MYOF: variants seen among roughly 807,000 people sequenced by gnomAD.
MYOF encodes the protein fer-1-like 3, myoferlin.
MYOF carries 244 observed loss-of-function variants against 284.2 expected under a neutral mutation model. The ratio of observed to expected loss-of-function variants is 0.86; its 90% CI spans 0.77 to 0.95. The LOEUF (loss-of-function observed/expected upper bound fraction) is 0.95, where lower values mean the gene tolerates loss of function less well. Among genes scored for constraint, MYOF ranks in the 40% least tolerant of loss-of-function variants. The probability of loss-of-function intolerance (pLI) is 0.00; values close to 1 mark genes in which losing one functional copy is unlikely to be tolerated. For synonymous variants in MYOF, 904 were observed against 919.7 expected, an observed-to-expected ratio of 0.98 and a Z score of 0.31; for missense variants, 2,496 against 2,560.6, an observed-to-expected ratio of 0.97 and a Z score of 0.54.
chr10:93,369,125 T>TTTTTTA, intron 25 of MYOF, among the ~76,000 whole-genome samples: 2 of 145,806 alleles, frequency 1.4e-5, no homozygotes, highest in South Asian at 4.5e-4. Flanking sequence ...TTTTTTTTTT[T>TTTTTTA]TTTTTTTGCC....
chr10:93,369,681 G>A lies in MYOF; in HGVS notation c.2553C>T (p.Ser851=), dbSNP rs762516565. ...AGACGGTGAAAGTTCCTTCTGCGAA[G>A]CTGTTAAACTTCTTCTCCACAGCAC... ...GLSAVEKKFN[S]FAEGTFTVFA... is the part of the protein sequence containing the mutation. The change falls in exon 25 of 54, where the codon AGC becomes AGT. Residue 851 remains serine (S), a synonymous_variant. Transcript: ENST00000359263. 1 of 1,614,200 alleles carries A rather than the reference G, an allele frequency of 6.2e-7. No homozygotes were observed. The highest frequency in any genetic ancestry group is 8.5e-7 in the Non-Finnish European group (1 of 1,180,022).
intron 5 of MYOF, among the ~76,000 whole-genome samples, chr10:93,414,683 T>C (rs1454433636): frequency 6.6e-6 from 1 of 152,228 alleles, no homozygotes. Flanking sequence ...AGGGCCACTA[T>C]TCAGTCCACT....
chr10:93,422,449 G>C (rs1258172415), intron 5 of MYOF, among the ~76,000 whole-genome samples: 6 of 152,204 alleles, frequency 3.9e-5, no homozygotes, highest in Non-Finnish European at 5.9e-5. Flanking sequence ...AAACCAAGAG[G>C]AAAGGAGAAG....
At chr10:93,463,816 G>A (rs546382799) in intron 1 of MYOF, among the ~76,000 whole-genome samples, 1 of 146,464 alleles carries the variant, frequency 6.8e-6, no homozygotes, top group African/African-American at 2.5e-5. Flanking sequence ...AGGCTGCAGT[G>A]GCCACACCCC....
At position 93,397,381 on chromosome 10, in the gene MYOF, G is replaced by A; in HGVS notation, c.1290+7C>T. On this transcript the variant is annotated splice_region_variant and intron_variant, in intron 14 of 53. Coordinates refer to ENST00000359263, the MANE Select transcript of MYOF (RefSeq NM_013451.4). The stretch of plus-strand genomic sequence containing the variant: ...CTTACTTTTTCAGAAAGAAAATAAA[G>A]TCAAACCTTGATCTGAAGATTGACG... 1 of 1,609,264 alleles carries A rather than the reference G, an allele frequency of 6.2e-7. No homozygotes were observed.
At chr10:93,369,258 G>GGTGTGTGTATGTGTGCGT (rs1554847567) in intron 25 of MYOF, among the ~76,000 whole-genome samples, 13 of 113,332 alleles carry the variant, frequency 1.1e-4, no homozygotes, top group African/African-American at 4.1e-4. Flanking sequence ...CTCCTGGGTT[G>GGTGTGTGTATGTGTGCGT]GTGTGTGTGT....
intron 26 of MYOF, among the ~76,000 whole-genome samples, chr10:93,364,460 T>G (rs2133939814): frequency 6.6e-6 from 1 of 152,272 alleles, no homozygotes; most frequent in South Asian, 2.1e-4. Context: ...TGGCTAACAG[T>G]TCAAAAGAAA....
intron 3 of MYOF, among the ~76,000 whole-genome samples, chr10:93,444,162 T>C (rs888678992): frequency 3.9e-5 from 6 of 152,220 alleles, no homozygotes; most frequent in African/African-American, 1.4e-4. Flanking sequence ...GGTGGCCCAT[T>C]ACCAGTGAGC....
Position 93,402,322 on chromosome 10 carries a change from A to G in MYOF, c.900T>C (p.Leu300=), listed in dbSNP as rs1158908577. The G allele has an allele frequency of 6.2e-7, 1 of 1,614,084 alleles. No homozygotes were observed. Among genetic ancestry groups the G allele is most frequent in the Non-Finnish European group, 8.5e-7 (1 of 1,179,980 alleles). ...TGGTATCTTCCGGGTCATTGAGAAGAAGCCACTTTCTCATGACAGCATGGC... is the reference window on the plus strand; with the variant it reads ...TGGTATCTTCCGGGTCATTGAGAAGGAGCCACTTTCTCATGACAGCATGGC... ...EPGHAVMRKW[L]LLNDPEDTSS... Residue 300 remains leucine, a synonymous_variant, in exon 11 of 54, where the codon CTT becomes CTC. Transcript: ENST00000359263.
At chr10:93,328,237 A>G (rs1295494481) in intron 45 of MYOF, among the ~76,000 whole-genome samples, 1 of 152,104 alleles carries the variant, frequency 6.6e-6, no homozygotes, top group Non-Finnish European at 1.5e-5. Context: ...CGCATGCTCT[A>G]TGATGCTTAC....
chr10:93,481,607 C>A (rs1456314554), intron 1 of MYOF, among the ~76,000 whole-genome samples: 1 of 152,132 alleles, frequency 6.6e-6, no homozygotes, highest in Non-Finnish European at 1.5e-5. Context: ...TACAAAGGCA[C>A]AAAAGGGCAG....
At chr10:93,478,929 C>T (rs192201191) in intron 1 of MYOF, among the ~76,000 whole-genome samples, 2 of 151,974 alleles carry the variant, frequency 1.3e-5, no homozygotes, top group East Asian at 3.9e-4. Flanking sequence ...ATCCCAAGTA[C>T]AGTGTAGCTA....
At chr10:93,380,171 G>A (rs1846047688) in intron 20 of MYOF, among the ~76,000 whole-genome samples, 184 bp from the exon 21 acceptor site, 1 of 152,082 alleles carries the variant, frequency 6.6e-6, no homozygotes, top group Admixed American at 6.6e-5. Flanking sequence ...TTTCATTCAG[G>A]CTGTTCTGAA....
chr10:93,310,211 A>T (rs1564606933), intron 52 of MYOF, 44 bp from the exon 53 acceptor site: 2 of 1,599,354 alleles, frequency 1.3e-6, no homozygotes, highest in Admixed American at 1.7e-5. Context: ...CTCAGGAGGG[A>T]TGCATATTTT....
intron 29 of MYOF, 59 bp downstream of exon 29, chr10:93,359,774 A>C (rs1227231143): frequency 1.2e-6 from 2 of 1,601,152 alleles, no homozygotes; most frequent in Middle Eastern, 2.0e-4. Flanking sequence ...GTTAGCTGGG[A>C]CTTTGTAGTC....
At chr10:93,472,781 C>T (rs61865269) in intron 1 of MYOF, among the ~76,000 whole-genome samples, 29,577 of 152,228 alleles carry the variant, frequency 0.19, 3,427 homozygotes, top group Middle Eastern at 0.27. Context: ...TGTGCAGCCA[C>T]AGCTGACCAG....
chr10:93,411,489 A>G (rs1847899085), intron 5 of MYOF, among the ~76,000 whole-genome samples: 1 of 152,198 alleles, frequency 6.6e-6, no homozygotes, highest in South Asian at 2.1e-4. Flanking sequence ...TAGGATTTCA[A>G]TGTGTGAATT....
intron 29 of MYOF, among the ~76,000 whole-genome samples, chr10:93,357,377 T>C (rs1345805526): frequency 6.6e-6 from 1 of 152,240 alleles, no homozygotes; most frequent in East Asian, 1.9e-4. Context: ...TGGTACTTTT[T>C]AGCTTAAGAA....
chr10:93,327,705 A>G (rs1369624519), intron 45 of MYOF, among the ~76,000 whole-genome samples: 1 of 152,040 alleles, frequency 6.6e-6, no homozygotes, highest in East Asian at 1.9e-4. Context: ...TAAACATCTA[A>G]TCATCCCTGA....
Sources: allele counts gnomAD v4.1 joint callset (sites outside exome capture counted in the v4.1 genomes callset), GRCh38; gene constraint gnomAD v4.1.1; transcripts MANE v1.5; gene names NCBI Gene and HGNC (gene_info 2026-07-23, HGNC 2026-07-21).